STK17B: variants seen among roughly 807,000 people sequenced by gnomAD.
STK17B encodes serine/threonine kinase 17b.
STK17B carries 21 observed loss-of-function variants against 42.0 expected under a neutral mutation model. The ratio of observed to expected loss-of-function variants is 0.50; its 90% CI spans 0.35 to 0.72. The LOEUF is 0.72. Among genes scored for constraint, STK17B ranks in the 30% least tolerant of loss-of-function variants. The pLI is 0.00. For missense variants in STK17B, 349 were observed against 446.0 expected (o/e 0.78, Z 1.96); for synonymous variants, 143 against 148.4 (o/e 0.96, Z 0.26).
At chr2:196,149,676 A>G (rs2105691840) in intron 3 of STK17B, among the ~76,000 whole-genome samples, 1 of 152,346 alleles carries the variant, frequency 6.6e-6, no homozygotes, top group African/African-American at 2.4e-5. Flanking sequence ...TTACAATAGA[A>G]TATGCCCAGT....
intron 2 of STK17B, among the ~76,000 whole-genome samples, chr2:196,157,973 T>A (rs1373324029): frequency 6.6e-6 from 1 of 152,212 alleles, no homozygotes; most frequent in African/African-American, 2.4e-5. Context: ...TTTCAGATCT[T>A]AAAGCCCATC....
upstream of STK17B, among the ~76,000 whole-genome samples, chr2:196,173,907 G>A (rs1299080844): frequency 6.6e-6 from 1 of 152,080 alleles, no homozygotes; most frequent in African/African-American, 2.4e-5. Flanking sequence ...AGGTAATTAA[G>A]GTAAAATGAG....
rs1699410726 is a variant in STK17B at position 196,136,690 on chromosome 2, A to T, written c.*757T>A. ...TCTAGAAATTCTGGAGGATTAAAAA[A>T]CTCTACACTTGCATACCAAATATCT... On this transcript the variant is annotated 3_prime_UTR_variant, in exon 8 of 8. Coordinates refer to ENST00000263955, the MANE Select transcript of STK17B (RefSeq NM_004226.4). The T allele has an allele frequency of 6.6e-6, 1 of 152,024 alleles. No homozygotes were observed. The highest frequency in any genetic ancestry group is 2.4e-5 in the African/African-American group (1 of 41,368). 9.4% of individuals were successfully genotyped at this position (152,024 alleles called of 1,614,324 possible). A position where few individuals can be genotyped will look rare whatever the true frequency, so the allele number is the denominator to read the frequency against.
chr2:196,143,987 G>T (rs1347313664), intron 4 of STK17B, among the ~76,000 whole-genome samples: 1 of 150,960 alleles, frequency 6.6e-6, no homozygotes, highest in East Asian at 2.0e-4. Flanking sequence ...TTCCAAGAAG[G>T]CTTTGCAGTA....
chr2:196,149,203 G>A (rs541876282), intron 3 of STK17B, among the ~76,000 whole-genome samples: 8 of 147,144 alleles, frequency 5.4e-5, no homozygotes, highest in African/African-American at 1.5e-4. Flanking sequence ...TTGCTCTGTC[G>A]CCCAGGCTGG....
chr2:196,147,100 AT>A (rs1229316984), intron 3 of STK17B, among the ~76,000 whole-genome samples: 1 of 152,148 alleles, frequency 6.6e-6, no homozygotes, highest in Non-Finnish European at 1.5e-5. Context: ...AAATCCACAG[AT>A]TTTTTTAGGA....
chr2:196,173,113 A>G (rs984680054), upstream of STK17B, among the ~76,000 whole-genome samples: 1 of 152,152 alleles, frequency 6.6e-6, no homozygotes, highest in African/African-American at 2.4e-5. Context: ...GTCCCAGATC[A>G]CTTCACACCT....
chr2:196,172,349 A>C (rs1699958755), upstream of STK17B, among the ~76,000 whole-genome samples: 1 of 152,240 alleles, frequency 6.6e-6, no homozygotes, highest in Admixed American at 6.5e-5. Flanking sequence ...CAAGACACAA[A>C]TGTTTTACAT....
intron 3 of STK17B, chr2:196,154,065 T>C (rs1391949116): frequency 1.3e-5 from 2 of 152,058 alleles, no homozygotes; most frequent in East Asian, 1.9e-4. Context: ...TGAAACCCCA[T>C]CTCTAGTAAC....
chr2:196,145,773 T>TA (rs1699563977), intron 4 of STK17B, 138 bp downstream of exon 4: 1 of 740,886 alleles, frequency 1.3e-6, no homozygotes, highest in African/African-American at 1.8e-5. Flanking sequence ...TAGGCACACG[T>TA]AAGCAAAGAG....
rs547545037 is a variant in STK17B, at chr2:196,134,895, C to T, written c.*2552G>A. 5.3e-5 allele frequency: 8 copies of T among 152,174 alleles called. No homozygotes were observed. Among genetic ancestry groups the T allele is most frequent in the Non-Finnish European group, 8.8e-5 (6 of 68,024 alleles). 9.4% of individuals were successfully genotyped at this position (152,174 alleles called of 1,614,324 possible). On this transcript the variant is annotated 3_prime_UTR_variant, in exon 8 of 8. Coordinates refer to ENST00000263955, the MANE Select transcript of STK17B (RefSeq NM_004226.4). ...GGGAGAAAAAGAGTAAGAATTGAAT[C>T]ATTTGCTAAAAAGCTCTTAAATGAT... is the stretch of plus-strand genomic sequence containing the variant.
intron 6 of STK17B, 110 bp downstream of exon 6, chr2:196,141,139 A>G: frequency 1.3e-6 from 1 of 760,502 alleles, no homozygotes; most frequent in South Asian, 1.7e-5. Flanking sequence ...ATTCAAATAA[A>G]ATCTTTTGAA....
At chr2:196,156,406 A>T in intron 3 of STK17B, 33 bp downstream of exon 3, 2 of 1,487,944 alleles carry the variant, frequency 1.3e-6, no homozygotes, top group African/African-American at 1.4e-5. Flanking sequence ...TTTTCATACC[A>T]ACTAAAATAG....
intron 3 of STK17B, among the ~76,000 whole-genome samples, chr2:196,147,284 A>C: frequency 7.5e-6 from 1 of 134,100 alleles, no homozygotes; most frequent in Non-Finnish European, 1.6e-5. Context: ...GCTCACTGCT[A>C]CAACCACATC....
At chr2:196,139,519 T>C in intron 7 of STK17B, 101 bp downstream of exon 7, 2 of 755,412 alleles carry the variant, frequency 2.6e-6, no homozygotes, top group Non-Finnish European at 3.6e-6. Context: ...AATTTTATAC[T>C]ATTTTAGAAT....
intron 7 of STK17B, among the ~76,000 whole-genome samples, 196 bp downstream of exon 7, chr2:196,139,424 T>C (rs1019522767): frequency 6.6e-5 from 10 of 152,204 alleles, no homozygotes; most frequent in African/African-American, 2.4e-4. Context: ...AAATCCCCTG[T>C]TGTATATTTT....
At chr2:196,144,106 G>A (rs1235138208) in intron 4 of STK17B, among the ~76,000 whole-genome samples, 1 of 151,754 alleles carries the variant, frequency 6.6e-6, no homozygotes, top group East Asian at 1.9e-4. Flanking sequence ...TGGAGGCAGG[G>A]GTGGGAGGAT....
intron 2 of STK17B, among the ~76,000 whole-genome samples, chr2:196,162,426 T>C (rs981348352): frequency 8.6e-5 from 13 of 151,668 alleles, no homozygotes; most frequent in Non-Finnish European, 1.3e-4. Context: ...TTTTTTTTTT[T>C]TTTTAAGCCA....
rs1464289753 is a variant in STK17B at position 196,139,852 on chromosome 2, T to C, written c.657-53A>G. ...ATGTATGTTAATTTTTAAACATTTA[T>C]ACAAAGTACAATCGACATTCAACAT... On this transcript the variant is annotated intron_variant, in intron 6 of 7. Transcript: ENST00000263955. 8 of 1,262,676 alleles carry C rather than the reference T, an allele frequency of 6.3e-6. No individual in the cohort carries two copies. The Admixed American group carries it at 2.1e-4, about 34-fold the overall frequency. 78.2% of individuals were successfully genotyped at this position (1,262,676 alleles called of 1,614,324 possible).
Sources: allele counts gnomAD v4.1 joint callset (sites outside exome capture counted in the v4.1 genomes callset), GRCh38; gene constraint gnomAD v4.1.1; transcripts MANE v1.5; gene names NCBI Gene and HGNC (gene_info 2026-07-23, HGNC 2026-07-21).